Variants in GSN observed in about 807,000 individuals in gnomAD.
GSN encodes the protein actin-depolymerizing factor.
GSN carries 56 observed loss-of-function variants against 85.7 expected under a neutral mutation model. That is an observed-to-expected ratio of 0.65 (90% confidence interval 0.53 to 0.82). The LOEUF (loss-of-function observed/expected upper bound fraction) is 0.82, where lower values mean the gene tolerates loss of function less well. Ranked by LOEUF, GSN falls within the 40% of genes least tolerant of loss-of-function variation. The probability of loss-of-function intolerance (pLI) is 0.00; values close to 1 mark genes in which losing one functional copy is unlikely to be tolerated. For synonymous variants in GSN, 373 were observed against 399.1 expected (o/e 0.93, Z 0.78); for missense variants, 857 against 979.8 (o/e 0.87, Z 1.67).
chr9:121,226,509 G>A (rs1275956023), intron 4 of GSN, among the ~76,000 whole-genome samples: 1 of 147,150 alleles, frequency 6.8e-6, no homozygotes, highest in East Asian at 1.9e-4. Context: ...AGCCATCCAG[G>A]CTGAGAGAAG....
At chr9:121,203,804 G>A (rs539337899), upstream of GSN, among the ~76,000 whole-genome samples, 79 of 152,310 alleles carry the variant, frequency 5.2e-4, no homozygotes, top group African/African-American at 1.9e-3. Flanking sequence ...AAAATTAAAT[G>A]GGATAGTATA....
intron 5 of GSN, among the ~76,000 whole-genome samples, chr9:121,243,149 C>T (rs2054637185): frequency 6.6e-6 from 1 of 152,170 alleles, no homozygotes; most frequent in African/African-American, 2.4e-5. Context: ...AGGGAGAATC[C>T]ACTTCCCTGC....
intron 4 of GSN, among the ~76,000 whole-genome samples, chr9:121,218,976 G>C (rs2054118190): frequency 6.6e-6 from 1 of 152,190 alleles, no homozygotes; most frequent in South Asian, 2.1e-4. Context: ...GTCCTGAAAT[G>C]ATCTGGTATT....
intron 1 of GSN, chr9:121,280,401 G>A (rs2057218896): frequency 6.6e-6 from 1 of 152,252 alleles, no homozygotes; most frequent in African/African-American, 2.4e-5. Flanking sequence ...CTTTAGAGGT[G>A]AAGCAGACAG....
intron 4 of GSN, among the ~76,000 whole-genome samples, chr9:121,220,035 C>T (rs529089932): frequency 4.6e-5 from 7 of 152,366 alleles, no homozygotes; most frequent in Non-Finnish European, 8.8e-5. Flanking sequence ...GCATGCGCCA[C>T]TGCGCCTGGC....
intron 1 of GSN, among the ~76,000 whole-genome samples, chr9:121,272,018 G>T (rs1366939125): frequency 6.6e-6 from 1 of 152,216 alleles, no homozygotes; most frequent in African/African-American, 2.4e-5. Flanking sequence ...ACGTCCCAGG[G>T]GTTATGCATT....
In GSN at chr9:121,331,356, C is replaced by T. The variant is rs771398800; in HGVS notation, c.1966-32C>T. Reference sequence around the variant, plus strand: ...AGCCGTGAATTTGATCAGCACTCCTCATGTACCTTTCCTGTTGCATCTCAC... The same window carrying T: ...AGCCGTGAATTTGATCAGCACTCCTTATGTACCTTTCCTGTTGCATCTCAC... On this transcript the variant is annotated intron_variant, in intron 16 of 17. Coordinates refer to ENST00000432226, the MANE Select transcript of GSN (RefSeq NM_198252.3). 2.7e-6 allele frequency: 4 copies of T among 1,470,176 alleles called. No individual in the cohort carries two copies. In the Admixed American group the frequency reaches 5.1e-5, roughly 19 times the overall value. 91.1% of individuals were successfully genotyped at this position (1,470,176 alleles called of 1,614,324 possible).
chr9:121,220,555 G>T (rs1316769818), intron 4 of GSN, among the ~76,000 whole-genome samples: 2 of 152,202 alleles, frequency 1.3e-5, no homozygotes, highest in African/African-American at 4.8e-5. Context: ...GGAGAGCAAG[G>T]TCCCGTCCAA....
intron 4 of GSN, among the ~76,000 whole-genome samples, chr9:121,220,432 T>C (rs2054149142): frequency 6.6e-6 from 1 of 152,234 alleles, no homozygotes; most frequent in African/African-American, 2.4e-5. Context: ...TCTGTCACTG[T>C]GTACCCCAGA....
rs186654124 is a variant in GSN at position 121,310,725 on chromosome 9, C to T, written c.393C>T (p.Asn131=). 4.4e-5 allele frequency: 71 copies of T among 1,614,104 alleles called. No homozygotes were observed. The highest frequency in any genetic ancestry group is 1.7e-4 in the Admixed American group (10 of 60,022). ...CAGGATTCAAGCACGTGGTACCCAA[C>T]GAGGTGGTGGTGCAGAGACTCTTCC... is the stretch of plus-strand genomic sequence containing the variant. The part of the protein sequence containing the change: ...VASGFKHVVP[N]EVVVQRLFQV... The change falls in exon 5 of 18, where the codon AAC becomes AAT. Residue 131 remains asparagine (N), a synonymous_variant. Transcript: ENST00000432226.
chr9:121,255,740 A>G (rs2054942577), intron 6 of GSN, among the ~76,000 whole-genome samples: 1 of 152,132 alleles, frequency 6.6e-6, no homozygotes, highest in African/African-American at 2.4e-5. Flanking sequence ...CTTTTGGTGA[A>G]CCTTTAGGTG....
chr9:121,229,916 C>A (rs1010000222), intron 4 of GSN, among the ~76,000 whole-genome samples: 2 of 152,054 alleles, frequency 1.3e-5, no homozygotes, highest in Admixed American at 1.3e-4. Flanking sequence ...TACACTTTTT[C>A]TTTTTGGTTA....
chr9:121,300,171 G>GCTCCCACCCTCGTCT, intron 2 of GSN: 2 of 1,397,836 alleles, frequency 1.4e-6, no homozygotes, highest in African/African-American at 1.4e-5. Flanking sequence ...CGCAGACGAG[G>GCTCCCACCCTCGTCT]GTGGGAGCCT....
chr9:121,307,957 C>T (rs370489565), intron 4 of GSN, among the ~76,000 whole-genome samples: 1 of 152,384 alleles, frequency 6.6e-6, no homozygotes, highest in East Asian at 1.9e-4. Context: ...AGCCTTCGGA[C>T]CCCCTCAGTT....
At chr9:121,217,352 C>G (rs1479562017) in intron 4 of GSN, among the ~76,000 whole-genome samples, 1 of 139,084 alleles carries the variant, frequency 7.2e-6, no homozygotes, top group Non-Finnish European at 1.6e-5. Context: ...GGCAACAGGG[C>G]AAAACTCCGT....
intron 11 of GSN, 102 bp downstream of exon 11, chr9:121,321,503 C>T (rs1034911997): frequency 3.6e-5 from 40 of 1,126,474 alleles, no homozygotes; most frequent in Non-Finnish European, 4.6e-5. Flanking sequence ...GTGGGACCAC[C>T]ACTCCCTGCT....
rs1174257892 is a variant in GSN, at chr9:121,329,300, G to C, written c.1950G>C (p.Leu650=). ...TGGCAACGGATGACGTCATGCTTCTGGACACCTGGGACCAGGTGGGTGAAG... is the reference window on the plus strand; with the variant it reads ...TGGCAACGGATGACGTCATGCTTCTCGACACCTGGGACCAGGTGGGTGAAG... ...EDLATDDVML[L]DTWDQVFVWV... The change falls in exon 16 of 18, where the codon CTG becomes CTC. Residue 650 remains leucine (L), a synonymous_variant. Coordinates refer to ENST00000432226, the MANE Select transcript of GSN (RefSeq NM_198252.3). This position sits in a 1 kb window ranked among gnomAD's most constrained non-coding sequence, Gnocchi z 4.6. 6.2e-7 allele frequency: 1 copy of C among 1,602,120 alleles called. No individual in the cohort carries two copies. Among genetic ancestry groups the C allele is most frequent in the Non-Finnish European group, 8.6e-7 (1 of 1,169,194 alleles).
In GSN at chr9:121,242,223, A is replaced by G. The variant is rs543627482; in HGVS notation, c.-388-6053A>G. Among the ~76,000 whole-genome samples the G allele has an allele frequency of 2.0e-5, 3 of 152,354 alleles. No individual in the cohort carries two copies. In the South Asian group the frequency reaches 6.2e-4, roughly 32 times the overall value. On this transcript the variant is annotated intron_variant, in intron 5 of 24. Transcript: ENST00000373823. ...TGAGCATTGTAAATAATTAACTATC[A>G]TAATTACCATCATTATTATTACTCT...
At position 121,268,237 on chromosome 9, in the gene GSN, C is replaced by A. The variant is rs2055338542; in HGVS notation, c.-103+18C>A. Reference sequence around the variant, plus strand: ...AGCAGCAGGTAGGGGAGGCGCGCGGCCCCGGCCCCGGGCATCTGGGGGTCC... The same window carrying A: ...AGCAGCAGGTAGGGGAGGCGCGCGGACCCGGCCCCGGGCATCTGGGGGTCC... On this transcript the variant is annotated intron_variant, in intron 1 of 17. Transcript: ENST00000432226. 6.6e-6 allele frequency: 1 copy of A among 152,368 alleles called. No individual in the cohort carries two copies. Among genetic ancestry groups the A allele is most frequent in the Admixed American group, 6.5e-5 (1 of 15,280 alleles). The allele number at this position is 152,368 out of a possible 1,614,324, so 9.4% of individuals were successfully genotyped here.
Sources: allele counts gnomAD v4.1 joint callset (sites outside exome capture counted in the v4.1 genomes callset), GRCh38; gene constraint gnomAD v4.1.1; non-coding constraint Gnocchi (gnomAD v3.1); transcripts MANE v1.5; gene names NCBI Gene and HGNC (gene_info 2026-07-23, HGNC 2026-07-21).